POLDIP3: variants seen among roughly 807,000 people sequenced by gnomAD.
POLDIP3 encodes polymerase delta-interacting protein 3.
A neutral mutation model predicts 45.1 loss-of-function variants in POLDIP3; 14 were observed. The observed-to-expected ratio is 0.31, with a 90% CI of 0.20 to 0.49. The LOEUF (loss-of-function observed/expected upper bound fraction) is 0.49, where lower values mean the gene tolerates loss of function less well. Among genes scored for constraint, POLDIP3 ranks in the 20% least tolerant of loss-of-function variants. The probability of loss-of-function intolerance (pLI) is 0.99; values close to 1 mark genes in which losing one functional copy is unlikely to be tolerated. For missense variants in POLDIP3, 511 were observed against 538.8 expected (o/e 0.95, Z 0.51); for synonymous variants, 223 against 205.2 (o/e 1.09, Z -0.74).
At chr22:42,598,869 CTGA>C (rs1489642411) in intron 4 of POLDIP3, among the ~76,000 whole-genome samples, 12 of 152,222 alleles carry the variant, frequency 7.9e-5, no homozygotes. Context: ...ATGGACCTCC[CTGA>C]TGATCCCAGA....
In POLDIP3 at chr22:42,601,984, G is replaced by A. The variant is rs750215120; in HGVS notation, c.523C>T (p.His175Tyr). Residue 175 changes from histidine (H) to tyrosine (Y), a missense_variant, in exon 3 of 9, where the codon CAC becomes TAC. This residue lies in a region of POLDIP3 where 378 missense variants were observed against 352.3 expected (regional missense o/e 1.07). Coordinates refer to ENST00000252115, the MANE Select transcript of POLDIP3 (RefSeq NM_032311.5). ...ACTCACTCTACCTGTTTGGCCTGGT[G>A]GTTATTGACAACATTGATTCTCATT... ...AGMRINVVNN[H>Y]QAKQNLYDLD... 6.8e-6 allele frequency: 11 copies of A among 1,613,994 alleles called. 1 individual carries two copies. The South Asian group carries it at 1.2e-4, about 18-fold the overall frequency.
intron 1 of POLDIP3, among the ~76,000 whole-genome samples, chr22:42,612,208 C>A (rs145808161): frequency 6.6e-6 from 1 of 152,210 alleles, no homozygotes; most frequent in Non-Finnish European, 1.5e-5. Flanking sequence ...CGAAAGCTAA[C>A]GTCTATCAAG....
chr22:42,609,592 C>T (rs1926992858), intron 1 of POLDIP3, among the ~76,000 whole-genome samples: 1 of 152,094 alleles, frequency 6.6e-6, no homozygotes, highest in East Asian at 1.9e-4. Flanking sequence ...AAGTGGGGCC[C>T]TGGATTATTA....
chr22:42,585,592 C>G lies in POLDIP3; in HGVS notation c.*199G>C. 1.6e-6 allele frequency: 1 copy of G among 613,480 alleles called. No individual in the cohort carries two copies. Among genetic ancestry groups the G allele is most frequent in the Non-Finnish European group, 2.8e-6 (1 of 351,494 alleles). The allele number at this position is 613,480 out of a possible 1,614,324, so 38.0% of individuals were successfully genotyped here. On this transcript the variant is annotated 3_prime_UTR_variant, in exon 9 of 9. Coordinates refer to ENST00000252115, the MANE Select transcript of POLDIP3 (RefSeq NM_032311.5). ...AGATGAAGAAACATACTACAGGAAA[C>G]GTTAACGTAGAGAGAAGAGCACAGG...
chr22:42,607,268 T>C (rs139747884), intron 1 of POLDIP3, among the ~76,000 whole-genome samples: 3,716 of 152,370 alleles, frequency 0.024, 68 homozygotes, highest in Non-Finnish European at 0.039. Context: ...CGCACCGCCA[T>C]GCCTGACTGG....
chr22:42,611,701 C>T (rs1927129460), intron 1 of POLDIP3, among the ~76,000 whole-genome samples: 1 of 151,994 alleles, frequency 6.6e-6, no homozygotes, highest in Admixed American at 6.6e-5. Context: ...ATGGTGAAAC[C>T]CCACCTCTAC....
intron 1 of POLDIP3, among the ~76,000 whole-genome samples, chr22:42,604,867 C>G (rs1002265748): frequency 2.0e-5 from 3 of 152,208 alleles, no homozygotes; most frequent in African/African-American, 7.2e-5. Flanking sequence ...GAAGCCTAAT[C>G]TGCAATGTGA....
intron 6 of POLDIP3, 74 bp from the exon 7 acceptor site, chr22:42,592,158 T>TG: frequency 6.3e-7 from 1 of 1,584,210 alleles, no homozygotes; most frequent in South Asian, 1.1e-5. Context: ...CTGAAGGCCC[T>TG]GGGGTGTGGT....
intron 5 of POLDIP3, among the ~76,000 whole-genome samples, chr22:42,595,820 G>A (rs1046994578): frequency 3.2e-4 from 48 of 152,044 alleles, no homozygotes; most frequent in African/African-American, 2.9e-4. Context: ...TCCCAAATAC[G>A]CAAGCCTCTC....
intron 1 of POLDIP3, among the ~76,000 whole-genome samples, chr22:42,613,779 A>C (rs1050648859): frequency 6.6e-6 from 1 of 152,170 alleles, no homozygotes; most frequent in Non-Finnish European, 1.5e-5. Context: ...CATAAAAATA[A>C]AAATAAACAT....
In POLDIP3 at chr22:42,585,889, G is replaced by T. The variant is rs759683794; in HGVS notation, c.1168C>A (p.Pro390Thr). The part of the protein sequence containing the change: ...RVNSASSSNP[P>T]AEVDPDTILK... ...ATGGTGTCAGGGTCCACTTCGGCAG[G>T]GGGGTTGGAGGAGGAGGCAGAGTTC... The change falls in exon 9 of 9, where the codon CCT (proline) becomes ACT (threonine). Residue 390 changes from proline (P) to threonine (T), a missense_variant. Physicochemically the swap from Pro to Thr is conservative, Grantham distance 38. Coordinates refer to ENST00000252115, the MANE Select transcript of POLDIP3 (RefSeq NM_032311.5). 8.7e-6 allele frequency: 14 copies of T among 1,613,352 alleles called. No individual in the cohort carries two copies. The highest frequency in any genetic ancestry group is 1.2e-5 in the Non-Finnish European group (14 of 1,179,992).
At chr22:42,602,080 T>A in intron 2 of POLDIP3, 24 bp from the exon 3 acceptor site, 1 of 1,613,986 alleles carries the variant, frequency 6.2e-7, no homozygotes, top group South Asian at 1.1e-5. Context: ...GTGGTCAGAA[T>A]CCACCCCACA....
intron 3 of POLDIP3, 150 bp downstream of exon 3, chr22:42,601,819 TA>T: frequency 1.1e-6 from 1 of 934,130 alleles, no homozygotes. Flanking sequence ...AAGTTCGCTG[TA>T]ACCCTGCCTC....
rs1011756583 is a variant in POLDIP3, at chr22:42,596,467, C to G, written c.634-102G>C. 8.9e-6 allele frequency: 10 copies of G among 1,119,768 alleles called. No homozygotes were observed. The African/African-American group carries it at 1.1e-4, about 12-fold the overall frequency. 69.4% of individuals were successfully genotyped at this position (1,119,768 alleles called of 1,614,324 possible). A position where few individuals can be genotyped will look rare whatever the true frequency, so the allele number is the denominator to read the frequency against. ...TGCTGAGAGCATGAACCCTCGATGC[C>G]TCCCAGCTCTCTAATTCTATTAGAG... On this transcript the variant is annotated intron_variant, in intron 4 of 8. Coordinates refer to ENST00000252115, the MANE Select transcript of POLDIP3 (RefSeq NM_032311.5).
At chr22:42,613,760 C>CA (rs541621326) in intron 1 of POLDIP3, among the ~76,000 whole-genome samples, 10 of 151,548 alleles carry the variant, frequency 6.6e-5, no homozygotes, top group South Asian at 4.2e-4. Context: ...CACCCCGTCT[C>CA]AAAAAAAACA....
In POLDIP3 at chr22:42,585,637, G is replaced by C; in HGVS notation, c.*154C>G. On this transcript the variant is annotated 3_prime_UTR_variant, in exon 9 of 9. Transcript: ENST00000252115. ...CACAGGGCAGAACACAACACAGAAA[G>C]GCGGGTCCCATCCAGTGAGGAAGCT... The C allele has an allele frequency of 2.4e-6, 2 of 826,096 alleles. No homozygotes were observed. The highest frequency in any genetic ancestry group is 3.9e-6 in the Non-Finnish European group (2 of 511,312). 51.2% of individuals were successfully genotyped at this position (826,096 alleles called of 1,614,324 possible). A position where few individuals can be genotyped will look rare whatever the true frequency, so the allele number is the denominator to read the frequency against.
Position 42,614,882 on chromosome 22 carries a change from G to A in POLDIP3, c.-25C>T, listed in dbSNP as rs758976743. On this transcript the variant is annotated 5_prime_UTR_variant, in exon 1 of 9. Coordinates refer to ENST00000252115, the MANE Select transcript of POLDIP3 (RefSeq NM_032311.5). ...TCTTGCTCCGCCGAGCAAGCCGAAA[G>A]CAGTCGAGACCCCGCGAGCCCGCCC... 9 of 1,613,744 alleles carry A rather than the reference G, an allele frequency of 5.6e-6. No homozygotes were observed. Among genetic ancestry groups the A allele is most frequent in the Middle Eastern group, 1.6e-4 (1 of 6,062 alleles).
chr22:42,610,050 T>C (rs1360948286), intron 1 of POLDIP3, among the ~76,000 whole-genome samples: 1 of 152,110 alleles, frequency 6.6e-6, no homozygotes, highest in Non-Finnish European at 1.5e-5. Context: ...GGCCCATGCC[T>C]GTAGTCCCAG....
intron 6 of POLDIP3, among the ~76,000 whole-genome samples, chr22:42,594,277 G>A (rs1193169748): frequency 6.6e-6 from 1 of 151,734 alleles, no homozygotes; most frequent in African/African-American, 2.4e-5. Context: ...AAAACAAATC[G>A]AGGTGGGTGG....
Sources: gnomAD v4.1 joint callset for allele counts (sites outside exome capture counted in the v4.1 genomes callset) on GRCh38, gnomAD v4.1.1 for gene constraint, gnomAD v4.1.1 regional missense constraint, MANE v1.5 for transcripts, NCBI Gene and HGNC (gene_info 2026-07-23, HGNC 2026-07-21) for gene names.